The following COL18A1 variants were observed in gnomAD, a reference collection of about 807,000 sequenced individuals.
The protein encoded by COL18A1 is collagen type XVIII alpha 1 chain, also known as collagen alpha-1(XVIII) chain.
COL18A1 carries 133 observed loss-of-function variants against 168.0 expected under a neutral mutation model. The ratio of observed to expected loss-of-function variants is 0.79; its 90% CI spans 0.69 to 0.91. The LOEUF (loss-of-function observed/expected upper bound fraction) is 0.91, where lower values mean the gene tolerates loss of function less well. Ranked by LOEUF, COL18A1 falls within the 40% of genes least tolerant of loss-of-function variation. The probability of loss-of-function intolerance (pLI) is 0.00; values close to 1 mark genes in which losing one functional copy is unlikely to be tolerated. For synonymous variants in COL18A1, 949 were observed against 809.0 expected (o/e 1.17, Z -2.94); for missense variants, 2,126 against 1,925.4 (o/e 1.10, Z -1.95).
At chr21:45,467,088 C>T (rs2035238329) in intron 2 of COL18A1, among the ~76,000 whole-genome samples, 1 of 152,290 alleles carries the variant, frequency 6.6e-6, no homozygotes, top group South Asian at 2.1e-4. Flanking sequence ...TGGGACCCCT[C>T]TGCCCCTGGC....
chr21:45,505,254 T>G lies in COL18A1; in HGVS notation c.2989T>G (p.Ser997Ala). ...CCCCCCAGGCCCCCCAGGGCCCCCT[T>G]CATTTCCTGGCCCTCACAGGCAGAG... is the stretch of plus-strand genomic sequence containing the variant. ...PGPPGPPGPP[S>A]FPGPHRQTIS... The change falls in exon 35 of 42, where the codon TCA becomes GCA. Residue 997 changes from serine to alanine, a missense_variant. Coordinates refer to ENST00000651438, the MANE Select transcript of COL18A1 (RefSeq NM_001379500.1). 1 of 1,590,182 alleles carries G rather than the reference T, an allele frequency of 6.3e-7. No homozygotes were observed. Among genetic ancestry groups the G allele is most frequent in the Non-Finnish European group, 8.6e-7 (1 of 1,165,158 alleles).
In COL18A1 at chr21:45,475,831, C is replaced by T. The variant is rs948316568; in HGVS notation, c.798+296C>T. Among the ~76,000 whole-genome samples the T allele has an allele frequency of 5.9e-5, 9 of 152,382 alleles. No individual in the cohort carries two copies. In the South Asian group the frequency reaches 6.2e-4, roughly 11 times the overall value. On this transcript the variant is annotated intron_variant, in intron 5 of 41. Coordinates refer to ENST00000651438, the MANE Select transcript of COL18A1 (RefSeq NM_001379500.1). ...TTCGAGGCAACCTTGGCCTTCCCTTCGCCCCATCCCTCCGTTAGCTCGTGC... is the reference window on the plus strand; with the variant it reads ...TTCGAGGCAACCTTGGCCTTCCCTTTGCCCCATCCCTCCGTTAGCTCGTGC...
At position 45,498,359 on chromosome 21, in the gene COL18A1, T is replaced by C; in HGVS notation, c.2683+698T>C. ...GTCCCCTCTCACCGCCAGGGTTCCCTCTCGCCACCACGGTCCCCTCTCGCC... is the reference window on the plus strand; with the variant it reads ...GTCCCCTCTCACCGCCAGGGTTCCCCCTCGCCACCACGGTCCCCTCTCGCC... On this transcript the variant is annotated intron_variant, in intron 32 of 41. Transcript: ENST00000651438. This position sits in a 1 kb window ranked among gnomAD's most constrained non-coding sequence, Gnocchi z 4.5. 2 of 646,610 alleles carry C rather than the reference T, an allele frequency of 3.1e-6. No homozygotes were observed. Among genetic ancestry groups the C allele is most frequent in the Non-Finnish European group, 5.7e-6 (2 of 350,448 alleles). The allele number at this position is 646,610 out of a possible 1,614,324, so 40.1% of individuals were successfully genotyped here.
chr21:45,460,028 C>T lies in COL18A1; in HGVS notation c.107-8214C>T, dbSNP rs192573493. 6.6e-5 allele frequency among the ~76,000 whole-genome samples: 10 copies of T among 152,304 alleles called. No homozygotes were observed. The East Asian group carries it at 1.7e-3, about 26-fold the overall frequency. On this transcript the variant is annotated intron_variant, in intron 2 of 41. Transcript: ENST00000651438. ...AGTCCTACAGGCAAGCATCCTCTGA[C>T]CTGGGAGCTGCGTATTGTTCCCGTT...
chr21:45,501,634 G>C (rs958309045), intron 32 of COL18A1, among the ~76,000 whole-genome samples: 1 of 152,096 alleles, frequency 6.6e-6, no homozygotes, highest in African/African-American at 2.4e-5. Flanking sequence ...ACAATCCCCG[G>C]TCTCCCAGGT....
intron 26 of COL18A1, chr21:45,494,126 G>T: frequency 2.9e-6 from 1 of 349,908 alleles, no homozygotes; most frequent in Non-Finnish European, 5.5e-6. Flanking sequence ...TGAGCCCTCC[G>T]GGGTGTTTGG....
At chr21:45,497,340 C>T (rs1243354245) in intron 31 of COL18A1, among the ~76,000 whole-genome samples, 1 of 152,242 alleles carries the variant, frequency 6.6e-6, no homozygotes, top group African/African-American at 2.4e-5. Flanking sequence ...CTTCTCTGGC[C>T]AAAGCAGGGT....
rs774684691 is a variant in COL18A1, at chr21:45,510,187, T to A, written c.3619T>A (p.Ser1207Thr). 6 of 1,598,474 alleles carry A rather than the reference T, an allele frequency of 3.8e-6. No homozygotes were observed. The Admixed American group carries it at 8.6e-5, about 23-fold the overall frequency. The change falls in exon 40 of 42, where the codon TCC becomes ACC. Residue 1207 changes from serine to threonine, a missense_variant. Ser to Thr is a moderately conservative substitution (Grantham distance 58). Transcript: ENST00000651438. Reference sequence around the variant, plus strand: ...GGCGGGCACCTTCCGCGCCTTCCTGTCCTCGCGCCTGCAGGACCTGTACAG... The same window carrying A: ...GGCGGGCACCTTCCGCGCCTTCCTGACCTCGCGCCTGCAGGACCTGTACAG... The part of the protein sequence containing the change: ...GLAGTFRAFL[S>T]SRLQDLYSIV...
chr21:45,462,244 C>T (rs1231191752), intron 2 of COL18A1, among the ~76,000 whole-genome samples: 1 of 152,200 alleles, frequency 6.6e-6, no homozygotes, highest in East Asian at 1.9e-4. Flanking sequence ...GTGTGAGTCT[C>T]TTTGAGTTTA....
At chr21:45,495,184 G>A in intron 28 of COL18A1, 174 bp from the exon 29 acceptor site, 1 of 674,308 alleles carries the variant, frequency 1.5e-6, no homozygotes, top group Non-Finnish European at 2.7e-6. Context: ...CTCCCAAAAG[G>A]GTCCTTGTGC....
chr21:45,438,349 CAG>C lies in COL18A1; in HGVS notation c.107-29891_107-29890del, dbSNP rs1491020967. Among the ~76,000 whole-genome samples the C allele has an allele frequency of 7.9e-4, 101 of 127,468 alleles. 5 individuals carry two copies. Among genetic ancestry groups the C allele is most frequent in the African/African-American group, 2.8e-3 (92 of 32,556 alleles). The allele number at this position is 127,468 out of a possible 152,430, so 83.6% of individuals were successfully genotyped here. On this transcript the variant is annotated intron_variant, in intron 2 of 41. Coordinates refer to ENST00000651438, the MANE Select transcript of COL18A1 (RefSeq NM_001379500.1). ...CTGCACACACACACACTCACACACT[CAG>C]ACACACAGGCACTCTCCTGCACACA... is the stretch of plus-strand genomic sequence containing the variant.
chr21:45,490,389 G>A (rs1222234373), intron 20 of COL18A1, 43 bp downstream of exon 20: 1 of 1,436,924 alleles, frequency 7.0e-7, no homozygotes, highest in Non-Finnish European at 9.5e-7. Flanking sequence ...GGGGCGTGGA[G>A]CCCTGAAGGG....
At position 45,493,420 on chromosome 21, in the gene COL18A1, C is replaced by T. The variant is rs545465845; in HGVS notation, c.2278-81C>T. 51 of 1,385,052 alleles carry T rather than the reference C, an allele frequency of 3.7e-5. No homozygotes were observed. The South Asian group carries it at 4.1e-4, about 11-fold the overall frequency. 85.8% of individuals were successfully genotyped at this position (1,385,052 alleles called of 1,614,324 possible). ...CCCAGCCTGCGAGGCCCAGTCACAG[C>T]GGCCCTGCCTTCGGGGCTCTGGGTG... On this transcript the variant is annotated intron_variant, in intron 25 of 41. Coordinates refer to ENST00000651438, the MANE Select transcript of COL18A1 (RefSeq NM_001379500.1).
At chr21:45,434,662 A>G (rs2034051163) in intron 2 of COL18A1, among the ~76,000 whole-genome samples, 1 of 152,228 alleles carries the variant, frequency 6.6e-6, no homozygotes, top group Admixed American at 6.5e-5. Context: ...TTGCATCTGG[A>G]CGTTCCACTT....
intron 2 of COL18A1, chr21:45,455,785 G>A: frequency 1.2e-6 from 2 of 1,613,690 alleles, no homozygotes; most frequent in Non-Finnish European, 1.7e-6. Context: ...CACCCTCAGA[G>A]CTGCTGGAAG....
At chr21:45,494,707 C>T in intron 27 of COL18A1, 136 bp downstream of exon 27, 2 of 1,403,494 alleles carry the variant, frequency 1.4e-6, no homozygotes, top group Admixed American at 1.8e-5. Flanking sequence ...GCGTGTGGGG[C>T]AGGTGTCGGC....
chr21:45,418,295 G>A (rs1417462945), intron 2 of COL18A1, among the ~76,000 whole-genome samples: 4 of 152,200 alleles, frequency 2.6e-5, no homozygotes, highest in South Asian at 2.1e-4. Context: ...TAGGGTGGGC[G>A]TGCCCTTCCC....
chr21:45,473,836 C>T lies in COL18A1; in HGVS notation c.652-59C>T, dbSNP rs2035534671. The T allele has an allele frequency of 3.6e-6, 5 of 1,388,654 alleles. No individual in the cohort carries two copies. Among genetic ancestry groups the T allele is most frequent in the Non-Finnish European group, 5.0e-6 (5 of 999,918 alleles). The allele number at this position is 1,388,654 out of a possible 1,614,324, so 86.0% of individuals were successfully genotyped here. A position where few individuals can be genotyped will look rare whatever the true frequency, so the allele number is the denominator to read the frequency against. ...CCCGAAATCTGGAGCTCAAGCAGCA[C>T]CGGGGTTGCCACTGCCACCTCAGGA... On this transcript the variant is annotated intron_variant, in intron 3 of 41. Transcript: ENST00000651438. The surrounding 1 kb of genome is among the most constrained non-coding windows in gnomAD (Gnocchi z 4.0).
At chr21:45,465,463 C>CG (rs113840861) in intron 2 of COL18A1, among the ~76,000 whole-genome samples, 546 of 152,300 alleles carry the variant, frequency 3.6e-3, no homozygotes, top group African/African-American at 0.013. Context: ...GATGTCCCCC[C>CG]GGGCACTTCA....
Sources: gnomAD v4.1 joint callset for allele counts (sites outside exome capture counted in the v4.1 genomes callset) on GRCh38, gnomAD v4.1.1 for gene constraint, Gnocchi (gnomAD v3.1) non-coding constraint, MANE v1.5 for transcripts, NCBI Gene and HGNC (gene_info 2026-07-23, HGNC 2026-07-21) for gene names.